The following MYRFL variants were observed in gnomAD, a reference collection of about 807,000 sequenced individuals.
MYRFL encodes myelin regulatory factor like.
In MYRFL, 88 loss-of-function variants were observed where a neutral mutation model predicts 109.4. The observed-to-expected ratio is 0.80, with a 90% CI of 0.68 to 0.96. The LOEUF is 0.96. Among genes scored for constraint, MYRFL ranks in the 40% least tolerant of loss-of-function variants. The pLI, the probability that MYRFL is intolerant of heterozygous loss-of-function variation, is 0.00. For missense variants in MYRFL, 957 were observed against 954.9 expected (o/e 1.00, Z -0.03); for synonymous variants, 324 against 320.9 (o/e 1.01, Z -0.10).
chr12:69,856,606 T>C (rs1565974446), intron 2 of MYRFL, among the ~76,000 whole-genome samples: 1 of 152,062 alleles, frequency 6.6e-6, no homozygotes, highest in Non-Finnish European at 1.5e-5. Context: ...CTAATTGGTT[T>C]GTAATGACAT....
At chr12:69,851,267 A>T (rs1883859754) in intron 1 of MYRFL, among the ~76,000 whole-genome samples, 1 of 151,720 alleles carries the variant, frequency 6.6e-6, no homozygotes, top group Non-Finnish European at 1.5e-5. Context: ...GGATGATGGG[A>T]TCTATACTTT....
At chr12:69,833,828 C>CTTGCTT (rs1882779264) in intron 1 of MYRFL, among the ~76,000 whole-genome samples, 1 of 113,910 alleles carries the variant, frequency 8.8e-6, no homozygotes, top group Non-Finnish European at 1.7e-5. Context: ...ATAGGGCTTG[C>CTTGCTT]TTTTTTTTTT....
chr12:69,951,231 T>C (rs746815539), intron 19 of MYRFL, among the ~76,000 whole-genome samples: 2 of 152,120 alleles, frequency 1.3e-5, no homozygotes, highest in Non-Finnish European at 2.9e-5. Flanking sequence ...ACTGACTGGG[T>C]GGCTTAAACC....
intron 13 of MYRFL, among the ~76,000 whole-genome samples, chr12:69,917,730 A>G (rs549157439): frequency 1.3e-5 from 2 of 152,282 alleles, no homozygotes; most frequent in South Asian, 2.1e-4. Flanking sequence ...AGTATCTGAT[A>G]CATTGTGGAT....
At chr12:69,937,823 CCTAGTCTT>C in intron 19 of MYRFL, among the ~76,000 whole-genome samples, 1 of 152,260 alleles carries the variant, frequency 6.6e-6, no homozygotes, top group Admixed American at 6.5e-5. Context: ...TATTGCATAT[CCTAGTCTT>C]GGTTAAATAA....
In MYRFL at chr12:69,936,190, G is replaced by T. The variant is rs1384317344; in HGVS notation, c.1991+3G>T. The T allele has an allele frequency of 1.3e-6, 2 of 1,512,014 alleles. No homozygotes were observed. Among genetic ancestry groups the T allele is most frequent in the African/African-American group, 2.8e-5 (2 of 70,670 alleles). The allele number at this position is 1,512,014 out of a possible 1,614,324, so 93.7% of individuals were successfully genotyped here. ...CGTGTCCCAAATCTCCCTCCAAGGT[G>T]AGAGTTCAGTTCAATTTTCTGGCCT... is the stretch of plus-strand genomic sequence containing the variant. On this transcript the variant is annotated splice_donor_region_variant and intron_variant, in intron 17 of 24. Coordinates refer to ENST00000552032, the MANE Select transcript of MYRFL (RefSeq NM_182530.3).
At chr12:69,909,393 T>G (rs944291010) in intron 11 of MYRFL, among the ~76,000 whole-genome samples, 1 of 152,204 alleles carries the variant, frequency 6.6e-6, no homozygotes, top group African/African-American at 2.4e-5. Flanking sequence ...ATGTTTTTGG[T>G]TCCTCTATCA....
At chr12:69,836,245 A>C (rs557818448) in intron 1 of MYRFL, among the ~76,000 whole-genome samples, 9 of 152,150 alleles carry the variant, frequency 5.9e-5, no homozygotes, top group Admixed American at 3.3e-4. Context: ...TCCTTCACCA[A>C]TGTGCTCCTC....
chr12:69,920,491 T>C (rs745365110), intron 13 of MYRFL, among the ~76,000 whole-genome samples: 2 of 152,228 alleles, frequency 1.3e-5, no homozygotes, highest in Admixed American at 6.5e-5. Context: ...TATTTATTCA[T>C]GTAATCATCA....
intron 10 of MYRFL, 101 bp downstream of exon 10, chr12:69,897,347 A>G (rs1954029946): frequency 1.2e-6 from 1 of 845,670 alleles, no homozygotes; most frequent in East Asian, 2.7e-5. Flanking sequence ...TATTTCGATG[A>G]TAATGATAGT....
chr12:69,891,160 C>T lies in MYRFL; in HGVS notation c.897C>T (p.Gly299=), dbSNP rs1664400041. The T allele has an allele frequency of 5.9e-6, 9 of 1,513,468 alleles. No homozygotes were observed. Among genetic ancestry groups the T allele is most frequent in the Non-Finnish European group, 7.9e-6 (9 of 1,137,238 alleles). The allele number at this position is 1,513,468 out of a possible 1,614,324, so 93.8% of individuals were successfully genotyped here. A position where few individuals can be genotyped will look rare whatever the true frequency, so the allele number is the denominator to read the frequency against. Residue 299 remains glycine, a synonymous_variant, in exon 7 of 25, where the codon GGC becomes GGT. Transcript: ENST00000552032. ...PIEMFYLKVF[G]TKVEATNQII... is the part of the protein sequence containing the mutation. ...AAATGTTTTACTTGAAAGTTTTTGG[C>T]ACTAAGGTATGTCTTTTATTTAGTT...
At chr12:69,897,279 A>C in intron 10 of MYRFL, 33 bp downstream of exon 10, 70 of 1,456,752 alleles carry the variant, frequency 4.8e-5, no homozygotes, top group Non-Finnish European at 6.0e-5. Flanking sequence ...TCTGGATCTC[A>C]CATGCTTTCC....
rs1470162287 is a variant in MYRFL, at chr12:69,880,220, A to C, written c.484A>C (p.Lys162Gln). The change falls in exon 5 of 25, where the codon AAG becomes CAG. Residue 162 changes from lysine (K) to glutamine (Q), a missense_variant. Physicochemically the swap from Lys to Gln is moderately conservative, Grantham distance 53 (BLOSUM62 1). Transcript: ENST00000552032. Reference sequence around the variant, plus strand: ...TTTTAGAGCCTCATTGCCTCCAACCAAGAAGAGAAAGTGCACGCAGGCACT... The same window carrying C: ...TTTTAGAGCCTCATTGCCTCCAACCCAGAAGAGAAAGTGCACGCAGGCACT... ...HSPGASLPPT[K>Q]KRKCTQALED... 1.4e-6 allele frequency: 1 copy of C among 702,664 alleles called. No individual in the cohort carries two copies. The highest frequency in any genetic ancestry group is 1.5e-5 in the South Asian group (1 of 67,566). The allele number at this position is 702,664 out of a possible 1,614,324, so 43.5% of individuals were successfully genotyped here. A position where few individuals can be genotyped will look rare whatever the true frequency, so the allele number is the denominator to read the frequency against.
intron 2 of MYRFL, among the ~76,000 whole-genome samples, chr12:69,872,601 T>C (rs558720880): frequency 6.6e-6 from 1 of 152,176 alleles, no homozygotes; most frequent in South Asian, 2.1e-4. Flanking sequence ...CCTGAGGTCA[T>C]ACGATTCTCC....
intron 1 of MYRFL, among the ~76,000 whole-genome samples, chr12:69,847,120 C>T (rs913300734): frequency 6.6e-6 from 1 of 152,022 alleles, no homozygotes; most frequent in African/African-American, 2.4e-5. Flanking sequence ...TGGTAATTGT[C>T]TGGTGGGGTG....
At chr12:69,908,217 T>C (rs917403702) in intron 11 of MYRFL, among the ~76,000 whole-genome samples, 1 of 152,230 alleles carries the variant, frequency 6.6e-6, no homozygotes, top group Non-Finnish European at 1.5e-5. Flanking sequence ...ACTGGTGATA[T>C]GTTGATGAAC....
chr12:69,874,167 AT>A (rs1286097208), intron 2 of MYRFL, among the ~76,000 whole-genome samples: 7 of 152,162 alleles, frequency 4.6e-5, no homozygotes, highest in Non-Finnish European at 5.9e-5. Flanking sequence ...AATGTATTTT[AT>A]TTTGTTATTT....
At chr12:69,874,740 G>A (rs747710186) in intron 2 of MYRFL, among the ~76,000 whole-genome samples, 9 of 151,786 alleles carry the variant, frequency 5.9e-5, no homozygotes, top group Non-Finnish European at 1.2e-4. Context: ...TACCAATTTT[G>A]TTTTTCTGTA....
At chr12:69,891,686 G>GTTCA (rs1236346773) in intron 7 of MYRFL, among the ~76,000 whole-genome samples, 2 of 67,770 alleles carry the variant, frequency 3.0e-5, no homozygotes, top group East Asian at 1.2e-3. Flanking sequence ...TCTTTCTTTC[G>GTTCA]TTCGTTCGTT....
Sources: gnomAD v4.1 joint callset for allele counts (sites outside exome capture counted in the v4.1 genomes callset) on GRCh38, gnomAD v4.1.1 for gene constraint, MANE v1.5 for transcripts, NCBI Gene and HGNC (gene_info 2026-07-23, HGNC 2026-07-21) for gene names.